The following MINK1 variants were observed in gnomAD, a reference collection of about 807,000 sequenced individuals.
MINK1 encodes misshapen-like kinase 1.
Under a neutral mutation model 178.4 loss-of-function variants are expected in MINK1, and 46 were observed. The observed-to-expected ratio is 0.26, with a 90% CI of 0.20 to 0.33. The LOEUF (loss-of-function observed/expected upper bound fraction) is 0.33. Ranked by LOEUF, MINK1 falls within the 10% of genes least tolerant of loss-of-function variation. The pLI, the probability that MINK1 is intolerant of heterozygous loss-of-function variation, is 1.00. For missense variants in MINK1, 1,366 were observed against 1,814.9 expected, an observed-to-expected ratio of 0.75 and a Z score of 4.49; for synonymous variants, 797 against 709.7, an observed-to-expected ratio of 1.12 and a Z score of -1.96.
At chr17:4,834,643 G>A (rs1485687780) in intron 1 of MINK1, among the ~76,000 whole-genome samples, 1 of 152,194 alleles carries the variant, frequency 6.6e-6, no homozygotes, top group Non-Finnish European at 1.5e-5. Context: ...TCGGCAGGGA[G>A]CTTTGGCTTA....
At chr17:4,834,039 C>T (rs1250331243) in intron 1 of MINK1, among the ~76,000 whole-genome samples, 1 of 152,112 alleles carries the variant, frequency 6.6e-6, no homozygotes, top group African/African-American at 2.4e-5. Flanking sequence ...TCTTCCTTCC[C>T]CTCCTCTTCC....
At chr17:4,846,814 G>C (rs535233876) in intron 1 of MINK1, among the ~76,000 whole-genome samples, 1 of 152,300 alleles carries the variant, frequency 6.6e-6, no homozygotes, top group African/African-American at 2.4e-5. Context: ...AGGATGACAA[G>C]TGTGAGCCAC....
chr17:4,850,943 T>C (rs1209454864), intron 1 of MINK1: 3 of 454,602 alleles, frequency 6.6e-6, no homozygotes, highest in South Asian at 3.1e-5. Flanking sequence ...GCTGTGCCCT[T>C]CCTTGCTCTC....
rs1908769077 is a variant in MINK1 at position 4,833,397 on chromosome 17, CG to C, written c.-183del. 5.6e-6 allele frequency: 3 copies of C among 538,880 alleles called. No homozygotes were observed. In the South Asian group the frequency reaches 6.8e-5, roughly 12 times the overall value. The allele number at this position is 538,880 out of a possible 1,614,324, so 33.4% of individuals were successfully genotyped here. A position where few individuals can be genotyped will look rare whatever the true frequency, so the allele number is the denominator to read the frequency against. On this transcript the variant is annotated 5_prime_UTR_variant, in exon 1 of 32. Coordinates refer to ENST00000355280, the MANE Select transcript of MINK1 (RefSeq NM_153827.5). The surrounding 1 kb of genome is among the most constrained non-coding windows in gnomAD (Gnocchi z 4.8). ...GGTGGTAGGCTCGGGTGGCTGGCTC[CG>C]GGGAGATAGCGCCTGTCAGTCGGTG...
At chr17:4,847,484 G>T (rs1911226664) in intron 1 of MINK1, among the ~76,000 whole-genome samples, 1 of 152,170 alleles carries the variant, frequency 6.6e-6, no homozygotes, top group African/African-American at 2.4e-5. Flanking sequence ...AGGACTGTAG[G>T]ATGATAGGAT....
intron 1 of MINK1, among the ~76,000 whole-genome samples, chr17:4,850,519 G>GCCCCCCC (rs34173368): frequency 6.9e-6 from 1 of 144,888 alleles, no homozygotes; most frequent in African/African-American, 2.6e-5. Flanking sequence ...CTTCCTGCTG[G>GCCCCCCC]CCCCCCCCGC....
In MINK1 at chr17:4,833,465, G is replaced by A. The variant is rs563984329; in HGVS notation, c.-119G>A. 44 of 795,274 alleles carry A rather than the reference G, an allele frequency of 5.5e-5. No individual in the cohort carries two copies. The highest frequency in any genetic ancestry group is 8.0e-5 in the Non-Finnish European group (42 of 522,774). 49.3% of individuals were successfully genotyped at this position (795,274 alleles called of 1,614,324 possible). A position where few individuals can be genotyped will look rare whatever the true frequency, so the allele number is the denominator to read the frequency against. On this transcript the variant is annotated 5_prime_UTR_variant, in exon 1 of 32. Transcript: ENST00000355280. The surrounding 1 kb of genome is among the most constrained non-coding windows in gnomAD (Gnocchi z 4.8). ...GGCCCTCCCCCTCCCCGGTCTCCGG[G>A]GGAGGCGCGGTGGAGTCCGCCCCCG...
intron 1 of MINK1, among the ~76,000 whole-genome samples, chr17:4,871,301 C>T (rs1915834606): frequency 6.6e-6 from 1 of 151,108 alleles, no homozygotes; most frequent in Non-Finnish European, 1.5e-5. Context: ...AGGGATCCTT[C>T]CACCTCAGCC....
At position 4,836,010 on chromosome 17, in the gene MINK1, G is replaced by A. The variant is rs1898078102; in HGVS notation, c.57+2370G>A. Among the ~76,000 whole-genome samples the A allele has an allele frequency of 6.6e-6, 1 of 152,138 alleles. No homozygotes were observed. The highest frequency in any genetic ancestry group is 1.5e-5 in the Non-Finnish European group (1 of 68,038). ...AGGGCTGTACCTCCTTTGACATGGG[G>A]CTAGCCAGGGCCTACCTTCTCCCTG... On this transcript the variant is annotated intron_variant, in intron 1 of 31. Transcript: ENST00000355280. This position sits in a 1 kb window ranked among gnomAD's most constrained non-coding sequence, Gnocchi z 4.3.
intron 1 of MINK1, chr17:4,834,818 G>A: frequency 1.9e-6 from 1 of 520,080 alleles, no homozygotes; most frequent in Non-Finnish European, 3.8e-6. Flanking sequence ...CTGTCTTCTG[G>A]CTTTTGAGTC....
chr17:4,884,245 C>A, intron 4 of MINK1, 118 bp from the exon 5 acceptor site: 1 of 733,368 alleles, frequency 1.4e-6, no homozygotes. Context: ...CTAGCTCATA[C>A]CAGTTCTAAC....
Position 4,890,200 on chromosome 17 carries a change from C to G in MINK1, c.1348-317C>G, listed in dbSNP as rs370287579. On this transcript the variant is annotated intron_variant, in intron 13 of 31. Transcript: ENST00000355280. ...TCCTCCTTCCCTGCCCTCTGCCCCC[C>G]ACCCCACACCCCGTCCCCCAGGAAT... The G allele has an allele frequency of 2.3e-3, 1,849 of 802,186 alleles. 5 individuals carry two copies. Among genetic ancestry groups the G allele is most frequent in the Admixed American group, 4.7e-3 (115 of 24,728 alleles). 49.7% of individuals were successfully genotyped at this position (802,186 alleles called of 1,614,324 possible). A position where few individuals can be genotyped will look rare whatever the true frequency, so the allele number is the denominator to read the frequency against.
At chr17:4,893,808 C>G (rs1226128336) in intron 21 of MINK1, 180 bp from the exon 22 acceptor site, 1 of 891,148 alleles carries the variant, frequency 1.1e-6, no homozygotes, top group Non-Finnish European at 1.7e-6. Flanking sequence ...CCTGTGCCAG[C>G]CTGCCCTGTG....
Position 4,876,306 on chromosome 17 carries a change from G to A in MINK1, c.58-2011G>A, listed in dbSNP as rs549946272. ...CTAGACATTACCTGGTGAGCAAGGA[G>A]GGCTCAGTCCCTTTCTCCAGTGAAT... is the stretch of plus-strand genomic sequence containing the variant. On this transcript the variant is annotated intron_variant, in intron 1 of 31. Transcript: ENST00000355280. Among the ~76,000 whole-genome samples the A allele has an allele frequency of 7.9e-5, 12 of 152,284 alleles. No individual in the cohort carries two copies. The South Asian group carries it at 2.5e-3, about 32-fold the overall frequency.
At chr17:4,890,801 G>GA in intron 14 of MINK1, 66 bp downstream of exon 14, 3 of 1,524,392 alleles carry the variant, frequency 2.0e-6, no homozygotes, top group Admixed American at 2.0e-5. Context: ...AGAGCCACAA[G>GA]AAGTAGTAGT....
intron 1 of MINK1, chr17:4,860,867 C>T (rs1295570175): frequency 4.0e-6 from 2 of 497,300 alleles, no homozygotes; most frequent in African/African-American, 2.0e-5. Flanking sequence ...GGAGCAACTT[C>T]GGGAAGCTTT....
intron 1 of MINK1, among the ~76,000 whole-genome samples, chr17:4,846,795 C>A (rs373102569): frequency 1.2e-4 from 19 of 152,276 alleles, no homozygotes; most frequent in African/African-American, 3.8e-4. Flanking sequence ...CTCTGCCCCC[C>A]AAAGTGCTAG....
chr17:4,893,143 G>A (rs1416054893), intron 20 of MINK1, 76 bp downstream of exon 20: 3 of 1,513,628 alleles, frequency 2.0e-6, no homozygotes, highest in Non-Finnish European at 2.7e-6. Flanking sequence ...GGTGTCAGGG[G>A]TGGGGTCTCC....
In MINK1 at chr17:4,897,617, C is replaced by T. The variant is rs373161729; in HGVS notation, c.*330C>T. The T allele has an allele frequency of 1.1e-4, 27 of 251,620 alleles. No individual in the cohort carries two copies. The highest frequency in any genetic ancestry group is 5.4e-4 in the African/African-American group (24 of 44,302). The allele number at this position is 251,620 out of a possible 1,614,324, so 15.6% of individuals were successfully genotyped here. ...TGCTTGGGGCTTGAACCCCTTACCC[C>T]ACTGCTGCTGACTGGGCAGGGCCCT... On this transcript the variant is annotated 3_prime_UTR_variant, in exon 32 of 32. Coordinates refer to ENST00000355280, the MANE Select transcript of MINK1 (RefSeq NM_153827.5).
Sources: allele counts gnomAD v4.1 joint callset (sites outside exome capture counted in the v4.1 genomes callset), GRCh38; gene constraint gnomAD v4.1.1; non-coding constraint Gnocchi (gnomAD v3.1); transcripts MANE v1.5; gene names NCBI Gene and HGNC (gene_info 2026-07-23, HGNC 2026-07-21).